BCL11B: variants seen among roughly 807,000 people sequenced by gnomAD.
BCL11B encodes the protein B-cell lymphoma/leukemia 11B.
BCL11B carries 8 observed loss-of-function variants against 49.9 expected under a neutral mutation model. That is an observed-to-expected ratio of 0.16 (90% CI 0.09 to 0.29). The LOEUF (loss-of-function observed/expected upper bound fraction) is 0.29. Among genes scored for constraint, BCL11B ranks in the 10% least tolerant of loss-of-function variants. BCL11B has a pLI of 1.00. For missense variants in BCL11B, 1,006 were observed against 1,351.0 expected (o/e 0.74, Z 4.00); for synonymous variants, 739 against 637.4 (o/e 1.16, Z -2.40).
At chr14:99,250,228 A>G (rs376660883) in intron 2 of BCL11B, among the ~76,000 whole-genome samples, 96 of 151,504 alleles carry the variant, frequency 6.3e-4, no homozygotes, top group African/African-American at 2.1e-3. Context: ...GTCGAGACGG[A>G]GTTTCACCGT....
At chr14:99,209,009 G>A (rs1217665706) in intron 3 of BCL11B, among the ~76,000 whole-genome samples, 1 of 152,216 alleles carries the variant, frequency 6.6e-6, no homozygotes. Context: ...AGAGCACAGT[G>A]ACAGCAGAAG....
chr14:99,174,878 C>A lies in BCL11B; in HGVS notation c.1958G>T (p.Gly653Val). The change falls in exon 4 of 4, where the codon GGG becomes GTG. Residue 653 changes from glycine to valine, a missense_variant. Gly to Val is a moderately radical substitution (Grantham distance 109). Transcript: ENST00000357195. ...GDAGAGGAVNGRGGGFAPGTE... is the reference protein window; with the variant it reads ...GDAGAGGAVNVRGGGFAPGTE... ...GCCTGGCGCGAAGCCGCCCCCGCGC[C>A]CGTTGACCGCGCCGCCCGCGCCCGC... The A allele has an allele frequency of 8.9e-7, 1 of 1,127,582 alleles. No individual in the cohort carries two copies. Among genetic ancestry groups the A allele is most frequent in the South Asian group, 4.2e-5 (1 of 23,688 alleles). 69.8% of individuals were successfully genotyped at this position (1,127,582 alleles called of 1,614,324 possible). A position where few individuals can be genotyped will look rare whatever the true frequency, so the allele number is the denominator to read the frequency against.
At chr14:99,221,541 C>A (rs901441558) in intron 3 of BCL11B, among the ~76,000 whole-genome samples, 2 of 152,240 alleles carry the variant, frequency 1.3e-5, no homozygotes, top group African/African-American at 4.8e-5. Context: ...TCTCCCTTGG[C>A]TGTTCCTACT....
At chr14:99,258,539 G>A (rs1460213428) in intron 1 of BCL11B, among the ~76,000 whole-genome samples, 1 of 152,222 alleles carries the variant, frequency 6.6e-6, no homozygotes, top group Non-Finnish European at 1.5e-5. Context: ...GTCCTTAGGA[G>A]AGAAGGAAGC....
chr14:99,198,498 C>T (rs949833050), intron 3 of BCL11B, among the ~76,000 whole-genome samples: 1 of 152,178 alleles, frequency 6.6e-6, no homozygotes, highest in African/African-American at 2.4e-5. Flanking sequence ...CACCCTATGG[C>T]TGGGGCATGT....
intron 1 of BCL11B, among the ~76,000 whole-genome samples, chr14:99,266,174 T>G (rs1335106399): frequency 6.6e-6 from 1 of 152,230 alleles, no homozygotes; most frequent in Non-Finnish European, 1.5e-5. Flanking sequence ...CTATTTCCCT[T>G]AGTTCAGTGG....
At chr14:99,258,326 G>T (rs1240346576) in intron 1 of BCL11B, among the ~76,000 whole-genome samples, 1 of 152,206 alleles carries the variant, frequency 6.6e-6, no homozygotes, top group East Asian at 1.9e-4. Context: ...AGACTCCCCA[G>T]GTGATTCCAA....
intron 1 of BCL11B, among the ~76,000 whole-genome samples, chr14:99,264,906 C>G (rs939390534): frequency 6.6e-6 from 1 of 152,160 alleles, no homozygotes; most frequent in African/African-American, 2.4e-5. Context: ...AGTCAGCACA[C>G]GGCGTTTCTT....
intron 3 of BCL11B, among the ~76,000 whole-genome samples, chr14:99,189,722 G>A (rs1426263931): frequency 6.6e-6 from 1 of 152,192 alleles, no homozygotes; most frequent in Non-Finnish European, 1.5e-5. Context: ...CACACCAAGG[G>A]GCAGAAGGAG....
Position 99,221,079 on chromosome 14 carries a change from C to T in BCL11B, c.640+10266G>A, listed in dbSNP as rs1252166590. Among the ~76,000 whole-genome samples, 4 of 152,126 alleles carry T rather than the reference C, an allele frequency of 2.6e-5. No individual in the cohort carries two copies. The East Asian group carries it at 5.8e-4, about 22-fold the overall frequency. On this transcript the variant is annotated intron_variant, in intron 3 of 3. Transcript: ENST00000357195. The stretch of plus-strand genomic sequence containing the variant: ...ATGTTGGCCAGGATGGTCTTGATCT[C>T]TTGACCTTGTGATCCGCCTGCCTGC...
In BCL11B at chr14:99,193,734, G is replaced by C. The variant is rs554682397; in HGVS notation, c.641-17539C>G. Among the ~76,000 whole-genome samples, 12 of 152,308 alleles carry C rather than the reference G, an allele frequency of 7.9e-5. No individual in the cohort carries two copies. The South Asian group carries it at 2.3e-3, about 29-fold the overall frequency. Reference sequence around the variant, plus strand: ...CTAACGAACCCCACTGCCAACAGAAGTTCTGGTCCAGACCATGAAGAGGGT... The same window carrying C: ...CTAACGAACCCCACTGCCAACAGAACTTCTGGTCCAGACCATGAAGAGGGT... On this transcript the variant is annotated intron_variant, in intron 3 of 3. Transcript: ENST00000357195.
At chr14:99,265,557 A>G (rs1489564394) in intron 1 of BCL11B, among the ~76,000 whole-genome samples, 3 of 152,134 alleles carry the variant, frequency 2.0e-5, no homozygotes, top group Non-Finnish European at 4.4e-5. Flanking sequence ...TTCTAAGGCA[A>G]AGGATTGGAG....
Position 99,181,202 on chromosome 14 carries a change from G to A in BCL11B, c.641-5007C>T, listed in dbSNP as rs140472563. 3.3e-4 allele frequency among the ~76,000 whole-genome samples: 51 copies of A among 152,300 alleles called. No individual in the cohort carries two copies. The East Asian group carries it at 9.1e-3, about 27-fold the overall frequency. On this transcript the variant is annotated intron_variant, in intron 3 of 3. Coordinates refer to ENST00000357195, the MANE Select transcript of BCL11B (RefSeq NM_138576.4). ...AGGAGCAGCAAGGAGACACCCTCTC[G>A]ACTCAAGCAGGGCCCGGGGTGATAT...
intron 2 of BCL11B, among the ~76,000 whole-genome samples, chr14:99,243,989 G>A (rs955299219): frequency 6.1e-5 from 9 of 146,438 alleles, no homozygotes; most frequent in South Asian, 2.2e-4. Context: ...GGCAGGGCTC[G>A]GAAGCACACA....
At chr14:99,183,014 T>G (rs983851175) in intron 3 of BCL11B, among the ~76,000 whole-genome samples, 2 of 152,176 alleles carry the variant, frequency 1.3e-5, no homozygotes, top group African/African-American at 4.8e-5. Flanking sequence ...CCCCTTCATC[T>G]GCTAGGTACT....
chr14:99,202,466 C>T (rs1377985599), intron 3 of BCL11B, among the ~76,000 whole-genome samples: 1 of 152,200 alleles, frequency 6.6e-6, no homozygotes, highest in Non-Finnish European at 1.5e-5. Context: ...TGCTGGGTAG[C>T]AATTTCATGA....
chr14:99,245,968 G>A (rs949268595), intron 2 of BCL11B, among the ~76,000 whole-genome samples: 1 of 152,096 alleles, frequency 6.6e-6, no homozygotes, highest in African/African-American at 2.4e-5. Flanking sequence ...AAAGGAGCCG[G>A]GAAAAAAGAC....
At chr14:99,249,339 T>C (rs1335500563) in intron 2 of BCL11B, among the ~76,000 whole-genome samples, 1 of 152,160 alleles carries the variant, frequency 6.6e-6, no homozygotes, top group Non-Finnish European at 1.5e-5. Context: ...GGTGTGCAGG[T>C]TTGTTACATG....
At chr14:99,212,168 G>A (rs552314614) in intron 3 of BCL11B, among the ~76,000 whole-genome samples, 1 of 152,130 alleles carries the variant, frequency 6.6e-6, no homozygotes, top group Non-Finnish European at 1.5e-5. Flanking sequence ...CTGAGCACTG[G>A]GGGGGCTAGA....
Sources: gnomAD v4.1 joint callset for allele counts (sites outside exome capture counted in the v4.1 genomes callset) on GRCh38, gnomAD v4.1.1 for gene constraint, MANE v1.5 for transcripts, NCBI Gene and HGNC (gene_info 2026-07-23, HGNC 2026-07-21) for gene names.